The following RNF150 variants were observed in gnomAD, a reference collection of about 807,000 sequenced individuals.
RNF150 encodes the protein ring finger protein 150.
RNF150 carries 24 observed loss-of-function variants against 39.3 expected under a neutral mutation model. The observed-to-expected ratio is 0.61, with a 90% CI of 0.44 to 0.86. The LOEUF is 0.86. RNF150 is among the 40% of genes least tolerant of loss of function. The pLI, the probability that RNF150 is intolerant of heterozygous loss-of-function variation, is 0.00. For missense variants in RNF150, 502 were observed against 587.8 expected, an observed-to-expected ratio of 0.85 and a Z score of 1.51; for synonymous variants, 255 against 227.3, an observed-to-expected ratio of 1.12 and a Z score of -1.10.
chr4:141,203,165 T>C, intron 1 of RNF150, among the ~76,000 whole-genome samples: 1 of 99,038 alleles, frequency 1.0e-5, no homozygotes, highest in East Asian at 3.1e-4. Flanking sequence ...ATCTTGGAGA[T>C]ATATAATCTT....
intron 1 of RNF150, among the ~76,000 whole-genome samples, chr4:141,124,906 T>C (rs764362379): frequency 6.6e-6 from 1 of 152,244 alleles, no homozygotes; most frequent in Non-Finnish European, 1.5e-5. Flanking sequence ...TTATGAAATA[T>C]ATGTTCACAA....
At chr4:141,170,365 A>G (rs1727692880) in intron 1 of RNF150, among the ~76,000 whole-genome samples, 1 of 152,184 alleles carries the variant, frequency 6.6e-6, no homozygotes, top group East Asian at 1.9e-4. Context: ...TTTTATTGGA[A>G]CATGAATCAC....
At chr4:140,893,659 G>A (rs1449569511) in intron 6 of RNF150, among the ~76,000 whole-genome samples, 2 of 152,176 alleles carry the variant, frequency 1.3e-5, no homozygotes, top group Non-Finnish European at 2.9e-5. Flanking sequence ...GGCCACCTGT[G>A]TGGAATGGTT....
intron 1 of RNF150, among the ~76,000 whole-genome samples, chr4:141,008,013 T>C (rs534355232): frequency 2.0e-5 from 3 of 152,286 alleles, no homozygotes; most frequent in African/African-American, 7.2e-5. Context: ...GCAGGTCTAG[T>C]CCTCCATACA....
At chr4:141,001,314 CATT>C (rs1326278166) in intron 1 of RNF150, among the ~76,000 whole-genome samples, 2 of 152,044 alleles carry the variant, frequency 1.3e-5, no homozygotes, top group Non-Finnish European at 2.9e-5. Context: ...TCTTCTTCAT[CATT>C]GTCAATCTCC....
intron 1 of RNF150, among the ~76,000 whole-genome samples, chr4:141,028,709 G>C (rs1238358057): frequency 6.6e-6 from 1 of 152,148 alleles, no homozygotes; most frequent in African/African-American, 2.4e-5. Context: ...CTGAATGTTA[G>C]TGCTGATGCT....
chr4:141,182,776 A>T (rs1218006786), intron 1 of RNF150, among the ~76,000 whole-genome samples: 1 of 116,286 alleles, frequency 8.6e-6, no homozygotes, highest in African/African-American at 3.4e-5. Flanking sequence ...TACAGATTCA[A>T]TGCCATCCCC....
chr4:141,190,923 T>C (rs1728101721), intron 1 of RNF150, among the ~76,000 whole-genome samples: 1 of 152,194 alleles, frequency 6.6e-6, no homozygotes, highest in African/African-American at 2.4e-5. Context: ...ATCATTTCAG[T>C]CCCTTCCTAT....
intron 6 of RNF150, among the ~76,000 whole-genome samples, chr4:140,898,908 A>C (rs1189762297): frequency 6.6e-6 from 1 of 152,224 alleles, no homozygotes; most frequent in Admixed American, 6.5e-5. Flanking sequence ...TGATTAAGGC[A>C]TAAGTCTTAA....
At chr4:141,027,937 T>C in intron 1 of RNF150, among the ~76,000 whole-genome samples, 1 of 130,066 alleles carries the variant, frequency 7.7e-6, no homozygotes, top group East Asian at 2.1e-4. Flanking sequence ...TTTTTTTTTT[T>C]TTTTTTTTTT....
intron 1 of RNF150, among the ~76,000 whole-genome samples, chr4:141,104,383 T>C (rs1739127396): frequency 6.6e-6 from 1 of 152,274 alleles, no homozygotes; most frequent in Non-Finnish European, 1.5e-5. Context: ...CCATTTTGAA[T>C]CATCTCCAAT....
chr4:141,062,034 C>A (rs1737250397), intron 1 of RNF150, among the ~76,000 whole-genome samples: 1 of 151,988 alleles, frequency 6.6e-6, no homozygotes, highest in Admixed American at 6.6e-5. Flanking sequence ...AATACTTTTC[C>A]CAAACAACTT....
chr4:140,976,412 G>A (rs1733666475), intron 1 of RNF150, among the ~76,000 whole-genome samples: 1 of 151,922 alleles, frequency 6.6e-6, no homozygotes, highest in East Asian at 1.9e-4. Context: ...CAGAATCTCA[G>A]TGTTTGCGAG....
At chr4:140,954,024 CTT>C (rs989276886) in intron 2 of RNF150, among the ~76,000 whole-genome samples, 14 of 152,162 alleles carry the variant, frequency 9.2e-5, no homozygotes, top group African/African-American at 3.1e-4. Context: ...AAAACAGACT[CTT>C]TCCTTTGCCA....
chr4:141,191,937 C>T (rs965993371), intron 1 of RNF150, among the ~76,000 whole-genome samples: 48 of 152,184 alleles, frequency 3.2e-4, no homozygotes, highest in African/African-American at 1.2e-3. Context: ...CACTTTGGTG[C>T]TCACTGGCTT....
At chr4:141,036,938 T>C (rs1578656704) in intron 1 of RNF150, among the ~76,000 whole-genome samples, 1 of 152,200 alleles carries the variant, frequency 6.6e-6, no homozygotes, top group South Asian at 2.1e-4. Flanking sequence ...TCATGGACTG[T>C]TGATGTGAAT....
intron 6 of RNF150, among the ~76,000 whole-genome samples, chr4:140,897,334 G>A (rs1453173212): frequency 2.0e-5 from 3 of 152,138 alleles, no homozygotes; most frequent in Non-Finnish European, 4.4e-5. Context: ...TGGGGTTGCT[G>A]GGCATACGTT....
chr4:140,910,925 T>C (rs1225039282), intron 6 of RNF150: 2 of 597,276 alleles, frequency 3.3e-6, no homozygotes, highest in African/African-American at 3.7e-5. Flanking sequence ...TGTCAGTGTG[T>C]GGGCAGGCAG....
intron 6 of RNF150, among the ~76,000 whole-genome samples, chr4:140,910,704 AGTGTGT>A (rs971137973): frequency 5.7e-5 from 2 of 35,282 alleles, no homozygotes; most frequent in South Asian, 6.3e-4. Context: ...TCGGGGCTCC[AGTGTGT>A]GTGTGTGTGT....
Sources: gnomAD v4.1 joint callset for allele counts (sites outside exome capture counted in the v4.1 genomes callset) on GRCh38, gnomAD v4.1.1 for gene constraint, MANE v1.5 for transcripts, NCBI Gene and HGNC (gene_info 2026-07-23, HGNC 2026-07-21) for gene names.